The following NCOA2 variants were observed in gnomAD, a reference collection of about 807,000 sequenced individuals.
NCOA2 encodes the protein class E basic helix-loop-helix protein 75.
Under a neutral mutation model 145.1 loss-of-function variants are expected in NCOA2, and 21 were observed. The observed-to-expected ratio is 0.14, with a 90% CI of 0.10 to 0.21. NCOA2 has a LOEUF of 0.21. Ranked by LOEUF, NCOA2 falls within the 10% of genes least tolerant of loss-of-function variation. The pLI is 1.00. For synonymous variants in NCOA2, 619 were observed against 637.5 expected (o/e 0.97, Z 0.44); for missense variants, 1,472 against 1,837.6 (o/e 0.80, Z 3.64).
intron 2 of NCOA2, among the ~76,000 whole-genome samples, chr8:70,264,274 T>C (rs575935268): frequency 5.3e-5 from 8 of 151,082 alleles, no homozygotes; most frequent in African/African-American, 1.9e-4. Flanking sequence ...CCCCGCCACT[T>C]TGGGAGGCTG....
chr8:70,129,176 T>C (rs1428722091), intron 16 of NCOA2, among the ~76,000 whole-genome samples, 196 bp from the exon 17 acceptor site: 1 of 152,150 alleles, frequency 6.6e-6, no homozygotes, highest in East Asian at 1.9e-4. Flanking sequence ...CAGCTCTGGT[T>C]ACACAAGGAC....
At chr8:70,326,457 A>ACGTG (rs1806582915) in intron 1 of NCOA2, among the ~76,000 whole-genome samples, 4 of 150,552 alleles carry the variant, frequency 2.7e-5, no homozygotes, top group African/African-American at 9.8e-5. Context: ...ACACGTGCAC[A>ACGTG]CACACACACA....
intron 4 of NCOA2, among the ~76,000 whole-genome samples, chr8:70,210,664 T>C (rs996130152): frequency 3.9e-5 from 6 of 152,200 alleles, no homozygotes; most frequent in Non-Finnish European, 7.3e-5. Flanking sequence ...TTATAAAGCA[T>C]ATAAAAGTTG....
chr8:70,180,985 T>C (rs1248250150), intron 4 of NCOA2, among the ~76,000 whole-genome samples: 1 of 152,276 alleles, frequency 6.6e-6, no homozygotes, highest in Admixed American at 6.5e-5. Flanking sequence ...TTTTAAATTA[T>C]CAAGTGATGT....
At chr8:70,288,815 G>C (rs1826445641) in intron 2 of NCOA2, among the ~76,000 whole-genome samples, 1 of 152,190 alleles carries the variant, frequency 6.6e-6, no homozygotes. Context: ...CAGCGCACAA[G>C]TGCAAATAGT....
chr8:70,167,761 A>C (rs544402304), intron 6 of NCOA2, among the ~76,000 whole-genome samples: 1 of 152,336 alleles, frequency 6.6e-6, no homozygotes, highest in Admixed American at 6.5e-5. Context: ...AATGAAAGAG[A>C]GGAAAGACAA....
chr8:70,144,652 G>T lies in NCOA2; in HGVS notation c.2802C>A (p.Asn934Lys). The change falls in exon 13 of 23, where the codon AAC (asparagine) becomes AAA (lysine). Residue 934 changes from asparagine (N) to lysine (K), a missense_variant. Asn to Lys is a moderately conservative substitution (Grantham distance 94). Transcript: ENST00000452400. ...CATTTGACCCCTTACCTGTGCTACT[G>T]TTCCCTAAATTTCCTTGGTTTCCTA... ...GMIGNQGNLG[N>K]SSTGMIGNSA... 6.2e-7 allele frequency: 1 copy of T among 1,613,604 alleles called. No homozygotes were observed. The highest frequency in any genetic ancestry group is 8.5e-7 in the Non-Finnish European group (1 of 1,179,564).
chr8:70,395,656 A>G (rs1187774460), intron 1 of NCOA2, among the ~76,000 whole-genome samples: 2 of 152,230 alleles, frequency 1.3e-5, no homozygotes, highest in African/African-American at 4.8e-5. Flanking sequence ...CTACTACAAT[A>G]CCAAAGACAA....
At chr8:70,348,416 A>C (rs531580924) in intron 1 of NCOA2, among the ~76,000 whole-genome samples, 1 of 152,346 alleles carries the variant, frequency 6.6e-6, no homozygotes, top group African/African-American at 2.4e-5. Context: ...TTATTTTAGC[A>C]GCTATGAGAA....
chr8:70,182,801 T>C (rs1166890579), intron 4 of NCOA2, among the ~76,000 whole-genome samples: 2 of 152,154 alleles, frequency 1.3e-5, no homozygotes, highest in East Asian at 1.9e-4. Flanking sequence ...TCACAGTTCA[T>C]GTCCTATAGG....
intron 16 of NCOA2, among the ~76,000 whole-genome samples, chr8:70,130,417 AC>A (rs1173572897): frequency 6.6e-6 from 1 of 152,232 alleles, no homozygotes; most frequent in Non-Finnish European, 1.5e-5. Flanking sequence ...CAGCAACTCC[AC>A]GGATCACATT....
At chr8:70,283,144 G>A (rs925243709) in intron 2 of NCOA2, among the ~76,000 whole-genome samples, 2 of 152,156 alleles carry the variant, frequency 1.3e-5, no homozygotes, top group Admixed American at 6.5e-5. Context: ...TGCTAACACT[G>A]GTATCTTCCT....
At chr8:70,165,658 A>G (rs1813527072) in intron 7 of NCOA2, among the ~76,000 whole-genome samples, 1 of 152,156 alleles carries the variant, frequency 6.6e-6, no homozygotes, top group African/African-American at 2.4e-5. Context: ...CAGCCTAATA[A>G]GCTTAGAGTC....
chr8:70,210,818 C>A (rs1255891229), intron 4 of NCOA2, among the ~76,000 whole-genome samples: 1 of 152,180 alleles, frequency 6.6e-6, no homozygotes, highest in African/African-American at 2.4e-5. Context: ...GCCCCTCATG[C>A]AACCCAGTTT....
intron 4 of NCOA2, among the ~76,000 whole-genome samples, chr8:70,186,767 G>C (rs1439335036): frequency 2.0e-5 from 3 of 152,096 alleles, no homozygotes; most frequent in Non-Finnish European, 4.4e-5. Flanking sequence ...TAAAACAGTA[G>C]GTGAGAAGAA....
intron 2 of NCOA2, among the ~76,000 whole-genome samples, chr8:70,222,858 A>T (rs1365247546): frequency 6.6e-6 from 1 of 152,204 alleles, no homozygotes. Flanking sequence ...GAGCTGTTCT[A>T]AACTATCATT....
At chr8:70,376,708 A>G (rs928440874) in intron 1 of NCOA2, among the ~76,000 whole-genome samples, 3 of 152,234 alleles carry the variant, frequency 2.0e-5, no homozygotes, top group Admixed American at 1.3e-4. Context: ...ACAAAATTCA[A>G]TTTTCATAGA....
upstream of NCOA2, among the ~76,000 whole-genome samples, chr8:70,405,443 T>TTG (rs1814732773): frequency 8.6e-6 from 1 of 116,854 alleles, no homozygotes; most frequent in South Asian, 2.9e-4. Flanking sequence ...AAAGGTTTTT[T>TTG]TTTTTTTTTT....
chr8:70,126,480 A>C (rs4545135), intron 19 of NCOA2: 94,902 of 290,374 alleles, frequency 0.33, 17,781 homozygotes, highest in East Asian at 0.65. Flanking sequence ...AACATATATG[A>C]ACTTGTAGAC....
Sources: gnomAD v4.1 joint callset for allele counts (sites outside exome capture counted in the v4.1 genomes callset) on GRCh38, gnomAD v4.1.1 for gene constraint, MANE v1.5 for transcripts, NCBI Gene and HGNC (gene_info 2026-07-23, HGNC 2026-07-21) for gene names.